The following IQSEC1 variants were observed in gnomAD, a reference collection of about 807,000 sequenced individuals.
The protein encoded by IQSEC1 is IQ motif and SEC7 domain-containing protein 1.
A neutral mutation model predicts 91.0 loss-of-function variants in IQSEC1; 31 were observed. The observed-to-expected ratio is 0.34, with a 90% CI of 0.26 to 0.46. The LOEUF (loss-of-function observed/expected upper bound fraction) is 0.46, where lower values mean the gene tolerates loss of function less well. Ranked by LOEUF, IQSEC1 falls within the 20% of genes least tolerant of loss-of-function variation. IQSEC1 has a pLI of 1.00. For missense variants in IQSEC1, 1,388 were observed against 1,575.6 expected (o/e 0.88, Z 2.02); for synonymous variants, 699 against 662.6 (o/e 1.05, Z -0.84).
chr3:13,140,982 GC>G (rs1164840821), intron 2 of IQSEC1, among the ~76,000 whole-genome samples: 1 of 152,252 alleles, frequency 6.6e-6, no homozygotes, highest in Non-Finnish European at 1.5e-5. Context: ...GCAACAAGGG[GC>G]AGGGCTGCCG....
chr3:13,084,415 C>A (rs1576242525), intron 2 of IQSEC1, among the ~76,000 whole-genome samples: 1 of 152,302 alleles, frequency 6.6e-6, no homozygotes, highest in East Asian at 1.9e-4. Context: ...CCTGTTCATT[C>A]ATTCATCCAA....
intron 1 of IQSEC1, among the ~76,000 whole-genome samples, chr3:12,942,330 C>A (rs536542946): frequency 6.6e-6 from 1 of 152,214 alleles, no homozygotes. Context: ...AGGCCGGGCG[C>A]GGTGGCTCAC....
chr3:13,014,800 G>A lies in IQSEC1; in HGVS notation c.23+58192C>T, dbSNP rs191442500. ...GAACCCAGGGAACATCCCCCAACAC[G>A]CTCCCAGCCCCAGGGATCTACAGAT... On this transcript the variant is annotated intron_variant, in intron 1 of 13. Coordinates refer to ENST00000613206, the MANE Select transcript of IQSEC1 (RefSeq NM_001134382.3). 3.8e-3 allele frequency among the ~76,000 whole-genome samples: 571 copies of A among 152,218 alleles called. 2 individuals carry two copies. Among genetic ancestry groups the A allele is most frequent in the South Asian group, 6.8e-3 (33 of 4,828 alleles).
In IQSEC1 at chr3:13,259,151, C is replaced by T. The variant is rs546575460; in HGVS notation, c.272+23560G>A. ...CAGCCAGAAAAAAATCCCAACTGCC[C>T]CCACTGGGCCACACCGCTCCACCTC... On this transcript the variant is annotated intron_variant, in intron 1 of 15. Coordinates refer to the IQSEC1 transcript ENST00000648114. This position sits in a 1 kb window ranked among gnomAD's most constrained non-coding sequence, Gnocchi z 4.6. Among the ~76,000 whole-genome samples, 12 of 152,334 alleles carry T rather than the reference C, an allele frequency of 7.9e-5. No homozygotes were observed. Among genetic ancestry groups the T allele is most frequent in the Admixed American group, 3.9e-4 (6 of 15,306 alleles).
At chr3:12,953,816 G>C (rs1699724382) in intron 1 of IQSEC1, among the ~76,000 whole-genome samples, 1 of 152,204 alleles carries the variant, frequency 6.6e-6, no homozygotes, top group African/African-American at 2.4e-5. Context: ...TCCAACACTT[G>C]AGTTGGAACC....
intron 1 of IQSEC1, among the ~76,000 whole-genome samples, chr3:12,956,612 A>G (rs913861452): frequency 1.3e-5 from 2 of 152,230 alleles, no homozygotes; most frequent in South Asian, 2.1e-4. Flanking sequence ...TGTTTATTCC[A>G]AAACTGGATT....
chr3:13,185,079 T>A (rs1339209609), intron 1 of IQSEC1, among the ~76,000 whole-genome samples: 1 of 152,142 alleles, frequency 6.6e-6, no homozygotes, highest in African/African-American at 2.4e-5. Flanking sequence ...TCTGAGGGTT[T>A]CCCACTCCCA....
chr3:12,897,973 A>C lies in IQSEC1; in HGVS notation c.*3010T>G, dbSNP rs1416564965. On this transcript the variant is annotated 3_prime_UTR_variant, in exon 14 of 14. Transcript: ENST00000613206. ...ACATGATTTGATTGTTGTCCCAGAA[A>C]AGACTTTTGTCACATTGCCAGCTGT... is the stretch of plus-strand genomic sequence containing the variant. The C allele has an allele frequency of 1.3e-5, 2 of 152,248 alleles. No homozygotes were observed. Among genetic ancestry groups the C allele is most frequent in the African/African-American group, 4.8e-5 (2 of 41,460 alleles). 9.4% of individuals were successfully genotyped at this position (152,248 alleles called of 1,614,324 possible).
At chr3:13,124,103 G>A (rs924800814) in intron 2 of IQSEC1, among the ~76,000 whole-genome samples, 4 of 152,194 alleles carry the variant, frequency 2.6e-5, no homozygotes, top group Non-Finnish European at 4.4e-5. Context: ...CAACTGCTTC[G>A]TTCCACAGAA....
intron 2 of IQSEC1, among the ~76,000 whole-genome samples, chr3:13,140,366 G>T (rs780897753): frequency 6.6e-6 from 1 of 152,212 alleles, no homozygotes; most frequent in Non-Finnish European, 1.5e-5. Context: ...ATTCAAAGAA[G>T]CCTGAGCTAC....
chr3:13,220,285 T>A (rs1397284563), intron 1 of IQSEC1, among the ~76,000 whole-genome samples: 1 of 152,222 alleles, frequency 6.6e-6, no homozygotes, highest in East Asian at 1.9e-4. Context: ...TCGCCTCAAA[T>A]TTCAAACTTG....
At position 12,899,445 on chromosome 3, in the gene IQSEC1, T is replaced by C. The variant is rs374569826; in HGVS notation, c.*1538A>G. The C allele has an allele frequency of 4.4e-6, 7 of 1,608,486 alleles. No homozygotes were observed. The highest frequency in any genetic ancestry group is 1.3e-5 in the African/African-American group (1 of 74,856). On this transcript the variant is annotated 3_prime_UTR_variant, in exon 14 of 14. Transcript: ENST00000613206. ...CTCGAAAGGCTGAAACTACAAAGTA[T>C]GGCCCGTGGGTGACTCGGGCACAGA...
chr3:13,016,567 C>T (rs1703142602), intron 1 of IQSEC1, among the ~76,000 whole-genome samples: 2 of 152,174 alleles, frequency 1.3e-5, no homozygotes, highest in Admixed American at 1.3e-4. Flanking sequence ...CCCGCCCTCT[C>T]GACTCCTGCC....
At chr3:13,040,539 G>C (rs1404780612) in intron 1 of IQSEC1, among the ~76,000 whole-genome samples, 1 of 152,146 alleles carries the variant, frequency 6.6e-6, no homozygotes, top group Non-Finnish European at 1.5e-5. Flanking sequence ...TCTCACACTT[G>C]GACCACGTGG....
chr3:13,197,710 T>C (rs1467396031), intron 1 of IQSEC1, among the ~76,000 whole-genome samples: 2 of 152,058 alleles, frequency 1.3e-5, no homozygotes, highest in Admixed American at 6.5e-5. Flanking sequence ...AGGCCAGGCA[T>C]GGGTGGGGCA....
At chr3:13,177,407 AGAAAAGG>A in intron 1 of IQSEC1, among the ~76,000 whole-genome samples, 1 of 152,320 alleles carries the variant, frequency 6.6e-6, no homozygotes, top group African/African-American at 2.4e-5. Flanking sequence ...ACAACTGCCC[AGAAAAGG>A]GACAGGCCAG....
intron 1 of IQSEC1, among the ~76,000 whole-genome samples, chr3:13,181,086 G>A (rs944735020): frequency 9.2e-5 from 14 of 152,062 alleles, no homozygotes; most frequent in African/African-American, 2.7e-4. Context: ...CGTGGCTAAC[G>A]CGGTGAAACC....
intron 1 of IQSEC1, among the ~76,000 whole-genome samples, chr3:12,963,712 A>C (rs73813745): frequency 0.026 from 3,959 of 152,316 alleles, 166 homozygotes; most frequent in African/African-American, 0.09. Flanking sequence ...GTTTTGTGTG[A>C]TCCCCAAGTC....
Position 12,913,657 on chromosome 3 carries a change from G to A in IQSEC1, c.2191-104C>T, listed in dbSNP as rs1033584618. The A allele has an allele frequency of 5.6e-5, 67 of 1,188,896 alleles. No homozygotes were observed. The African/African-American group carries it at 8.1e-4, about 14-fold the overall frequency. 73.6% of individuals were successfully genotyped at this position (1,188,896 alleles called of 1,614,324 possible). On this transcript the variant is annotated intron_variant, in intron 8 of 13. Coordinates refer to ENST00000613206, the MANE Select transcript of IQSEC1 (RefSeq NM_001134382.3). ...GCCCTTCAAGCTAGAAACCCGGCAC[G>A]TGGGCCTTGAGTTAAAAAATGCCTT...
Sources: gnomAD v4.1 joint callset for allele counts (sites outside exome capture counted in the v4.1 genomes callset) on GRCh38, gnomAD v4.1.1 for gene constraint, Gnocchi (gnomAD v3.1) non-coding constraint, MANE v1.5 for transcripts, NCBI Gene and HGNC (gene_info 2026-07-23, HGNC 2026-07-21) for gene names.